DHX35: variants seen among roughly 807,000 people sequenced by gnomAD.
DHX35 encodes the protein probable ATP-dependent RNA helicase DHX35.
Under a neutral mutation model 99.6 loss-of-function variants are expected in DHX35, and 84 were observed. The ratio of observed to expected loss-of-function variants is 0.84; its 90% CI spans 0.71 to 1.01. The LOEUF (loss-of-function observed/expected upper bound fraction) is 1.01, where lower values mean the gene tolerates loss of function less well. DHX35 is among the 50% of genes least tolerant of loss of function. The pLI, the probability that DHX35 is intolerant of heterozygous loss-of-function variation, is 0.00. For synonymous variants in DHX35, 331 were observed against 316.2 expected (o/e 1.05, Z -0.50); for missense variants, 852 against 888.5 (o/e 0.96, Z 0.52).
intron 2 of DHX35, among the ~76,000 whole-genome samples, chr20:38,970,736 C>G (rs975918289): frequency 6.6e-6 from 1 of 151,762 alleles, no homozygotes; most frequent in Non-Finnish European, 1.5e-5. Context: ...AGTAAATGCT[C>G]AAGTACAAGG....
intron 4 of DHX35, among the ~76,000 whole-genome samples, chr20:38,985,616 C>T (rs1339390313): frequency 6.6e-6 from 1 of 151,980 alleles, no homozygotes; most frequent in African/African-American, 2.4e-5. Flanking sequence ...ATGGGGCTAA[C>T]AGTTTGGAAA....
At chr20:39,003,540 T>C (rs2086558804) in intron 10 of DHX35, among the ~76,000 whole-genome samples, 2 of 152,238 alleles carry the variant, frequency 1.3e-5, no homozygotes, top group Admixed American at 6.5e-5. Flanking sequence ...TAGTAACTAA[T>C]AGTGTAGTTG....
At chr20:38,965,610 G>T (rs1340190479) in intron 1 of DHX35, among the ~76,000 whole-genome samples, 1 of 152,190 alleles carries the variant, frequency 6.6e-6, no homozygotes, top group Non-Finnish European at 1.5e-5. Flanking sequence ...TATGGGTTCA[G>T]AGTTGCCCAA....
intron 2 of DHX35, among the ~76,000 whole-genome samples, chr20:38,970,383 G>A (rs929406301): frequency 6.6e-6 from 1 of 152,208 alleles, no homozygotes; most frequent in Non-Finnish European, 1.5e-5. Context: ...TTAGTCACAA[G>A]TGAACTGACT....
intron 1 of DHX35, among the ~76,000 whole-genome samples, chr20:38,966,670 A>G (rs575546802): frequency 6.2e-4 from 95 of 152,360 alleles, no homozygotes; most frequent in Admixed American, 1.4e-3. Context: ...ATCTCCAAAA[A>G]CAAAAGCTGA....
At chr20:38,998,638 GTTGAACTTAT>G (rs2086468536) in intron 8 of DHX35, among the ~76,000 whole-genome samples, 1 of 152,178 alleles carries the variant, frequency 6.6e-6, no homozygotes, top group African/African-American at 2.4e-5. Context: ...TTCTGGGTGT[GTTGAACTTAT>G]TTTACTCTTC....
Position 38,969,215 on chromosome 20 carries a change from G to T in DHX35, c.174+1G>T, listed in dbSNP as rs759330043. ...GAGGCAGAAGCTGCCGGTATTCAAGGTACGTCAAATAATCATGTTCAACCT... is the reference window on the plus strand; with the variant it reads ...GAGGCAGAAGCTGCCGGTATTCAAGTTACGTCAAATAATCATGTTCAACCT... On this transcript the variant is annotated splice_donor_variant, in intron 2 of 21. Coordinates refer to ENST00000252011, the MANE Select transcript of DHX35 (RefSeq NM_021931.4). LOFTEE classifies it high-confidence loss of function. The T allele has an allele frequency of 6.2e-7, 1 of 1,606,964 alleles. No homozygotes were observed. Among genetic ancestry groups the T allele is most frequent in the Non-Finnish European group, 8.5e-7 (1 of 1,175,422 alleles).
intron 18 of DHX35, among the ~76,000 whole-genome samples, chr20:39,027,970 A>G (rs1386024520): frequency 6.6e-6 from 1 of 152,244 alleles, no homozygotes; most frequent in African/African-American, 2.4e-5. Flanking sequence ...AATTACTTCA[A>G]TTTTCAAACA....
chr20:39,014,376 C>T (rs1016256498), intron 13 of DHX35, among the ~76,000 whole-genome samples: 5 of 152,074 alleles, frequency 3.3e-5, no homozygotes, highest in African/African-American at 1.2e-4. Flanking sequence ...AATTCAGATT[C>T]GACATATGTT....
intron 4 of DHX35, among the ~76,000 whole-genome samples, chr20:38,984,017 C>T (rs1310317413): frequency 6.6e-6 from 1 of 152,202 alleles, no homozygotes; most frequent in Non-Finnish European, 1.5e-5. Flanking sequence ...TCAAGCAATT[C>T]TCCTGCCTCA....
At chr20:39,027,871 A>G (rs914487413) in intron 18 of DHX35, among the ~76,000 whole-genome samples, 1 of 152,256 alleles carries the variant, frequency 6.6e-6, no homozygotes, top group African/African-American at 2.4e-5. Flanking sequence ...TATGGACATC[A>G]TCTAATAGTG....
At chr20:39,023,795 G>T in intron 17 of DHX35, 28 bp downstream of exon 17, 1 of 1,579,424 alleles carries the variant, frequency 6.3e-7, no homozygotes, top group Non-Finnish European at 8.7e-7. Flanking sequence ...TCGAAGTGCC[G>T]CCTCAACACA....
At chr20:38,994,643 C>T (rs62202581) in intron 7 of DHX35, among the ~76,000 whole-genome samples, 178 bp from the exon 8 acceptor site, 1 of 115,738 alleles carries the variant, frequency 8.6e-6, no homozygotes, top group Non-Finnish European at 1.8e-5. Flanking sequence ...CCCCCCCCCC[C>T]TTTATTGACA....
chr20:39,013,536 T>C (rs1474152348), intron 13 of DHX35, among the ~76,000 whole-genome samples: 1 of 152,228 alleles, frequency 6.6e-6, no homozygotes, highest in Non-Finnish European at 1.5e-5. Flanking sequence ...GAAAATACTA[T>C]GGATAAGATT....
chr20:38,990,149 G>A (rs73908225), intron 5 of DHX35, among the ~76,000 whole-genome samples: 3,057 of 152,170 alleles, frequency 0.02, 111 homozygotes, highest in African/African-American at 0.07. Context: ...CCTTTGAGCC[G>A]TCCATAAAAA....
At chr20:39,016,630 A>C (rs1201008345) in intron 14 of DHX35, among the ~76,000 whole-genome samples, 1 of 152,210 alleles carries the variant, frequency 6.6e-6, no homozygotes, top group Admixed American at 6.5e-5. Flanking sequence ...TTTGGTGGAC[A>C]TTCCCACCAG....
intron 1 of DHX35, among the ~76,000 whole-genome samples, chr20:38,963,787 C>T (rs1259237080): frequency 6.6e-6 from 1 of 152,154 alleles, no homozygotes; most frequent in African/African-American, 2.4e-5. Context: ...ATGCTCAGGG[C>T]TCTGCTCTCA....
At chr20:39,025,486 T>C (rs2086943548) in intron 18 of DHX35, 127 bp downstream of exon 18, 1 of 1,160,564 alleles carries the variant, frequency 8.6e-7, no homozygotes, top group Non-Finnish European at 1.2e-6. Context: ...GGGTTTTATA[T>C]TTTGAGTTGC....
intron 20 of DHX35, among the ~76,000 whole-genome samples, chr20:39,033,820 C>G (rs1268250542): frequency 2.6e-5 from 4 of 152,164 alleles, no homozygotes; most frequent in African/African-American, 9.7e-5. Context: ...TTAGAAAATT[C>G]CTTTGTGTCT....
Sources: allele counts gnomAD v4.1 joint callset (sites outside exome capture counted in the v4.1 genomes callset), GRCh38; gene constraint gnomAD v4.1.1; transcripts MANE v1.5; gene names NCBI Gene and HGNC (gene_info 2026-07-23, HGNC 2026-07-21).